The following LINGO2 variants were observed in gnomAD, a reference collection of about 807,000 sequenced individuals.
LINGO2 encodes the protein leucine-rich repeat and immunoglobulin-like domain-containing nogo receptor-interacting protein 2.
In LINGO2, 14 loss-of-function variants were observed where a neutral mutation model predicts 30.6. That is an observed-to-expected ratio of 0.46 (90% CI 0.30 to 0.72). The LOEUF (loss-of-function observed/expected upper bound fraction) is 0.72, where lower values mean the gene tolerates loss of function less well. Ranked by LOEUF, LINGO2 falls within the 30% of genes least tolerant of loss-of-function variation. LINGO2 has a pLI of 0.07. For missense variants in LINGO2, 729 were observed against 751.7 expected (o/e 0.97, Z 0.35); for synonymous variants, 317 against 288.5 (o/e 1.10, Z -1.00).
the LINGO2 span, among the ~76,000 whole-genome samples, chr9:29,181,629 G>A: frequency 2.0e-5 from 3 of 152,078 alleles, no homozygotes; most frequent in Non-Finnish European, 4.4e-5. Context: ...AAAGAGAAGA[G>A]GCAACTGAAG....
chr9:28,713,411 C>T, the LINGO2 span, among the ~76,000 whole-genome samples: 1,837 of 152,200 alleles, frequency 0.012, 36 homozygotes, highest in African/African-American at 0.042. Flanking sequence ...ATTTGCCCTC[C>T]GTTTCCCAGC....
the LINGO2 span, among the ~76,000 whole-genome samples, chr9:29,147,940 A>T: frequency 4.9e-4 from 75 of 152,204 alleles, no homozygotes; most frequent in African/African-American, 1.6e-3. Flanking sequence ...AATCTCCAAC[A>T]AACATTTCTA....
chr9:28,141,976 G>A (rs948439125), intron 4 of LINGO2, among the ~76,000 whole-genome samples: 1 of 152,062 alleles, frequency 6.6e-6, no homozygotes, highest in Non-Finnish European at 1.5e-5. Context: ...AAACATAACG[G>A]GAAAAATGCA....
intron 4 of LINGO2, among the ~76,000 whole-genome samples, chr9:28,110,413 G>C (rs1301587239): frequency 6.6e-6 from 1 of 152,142 alleles, no homozygotes; most frequent in Non-Finnish European, 1.5e-5. Flanking sequence ...TTAAACTAAA[G>C]AGCTTCTGCA....
intron 2 of LINGO2, among the ~76,000 whole-genome samples, chr9:28,432,987 C>A (rs145356998): frequency 1.3e-5 from 2 of 151,700 alleles, no homozygotes; most frequent in Non-Finnish European, 2.9e-5. Flanking sequence ...AGTAAGACAA[C>A]AAGAATATGC....
the LINGO2 span, among the ~76,000 whole-genome samples, chr9:29,086,113 G>T: frequency 3.3e-5 from 5 of 152,112 alleles, no homozygotes; most frequent in Non-Finnish European, 7.4e-5. Context: ...AGGAAAATGT[G>T]TGAGACAAAA....
At chr9:28,662,298 A>C (rs1563900529) in intron 1 of LINGO2, among the ~76,000 whole-genome samples, 1 of 152,182 alleles carries the variant, frequency 6.6e-6, no homozygotes, top group Admixed American at 6.5e-5. Flanking sequence ...TCTGAGGGGA[A>C]AATTTGGAGT....
At chr9:29,014,042 C>T in the LINGO2 span, among the ~76,000 whole-genome samples, 1 of 151,996 alleles carries the variant, frequency 6.6e-6, no homozygotes, top group African/African-American at 2.4e-5. Flanking sequence ...CTCCTTAATC[C>T]CATGTAAATA....
chr9:27,946,043 C>A (rs1200349385), downstream of LINGO2, among the ~76,000 whole-genome samples: 1 of 151,008 alleles, frequency 6.6e-6, no homozygotes, highest in Non-Finnish European at 1.5e-5. Flanking sequence ...GAATACGTCA[C>A]AAGAGTATTA....
At chr9:28,925,946 G>A in the LINGO2 span, among the ~76,000 whole-genome samples, 2 of 152,152 alleles carry the variant, frequency 1.3e-5, no homozygotes, top group Non-Finnish European at 2.9e-5. Context: ...AGTGGGAATG[G>A]GGACCCTAAA....
At chr9:28,698,941 C>T in the LINGO2 span, among the ~76,000 whole-genome samples, 2 of 151,876 alleles carry the variant, frequency 1.3e-5, no homozygotes, top group African/African-American at 4.8e-5. Flanking sequence ...ACTTGGGAGG[C>T]TAAGGTGGGA....
intron 4 of LINGO2, among the ~76,000 whole-genome samples, chr9:28,071,632 A>AG (rs1394053317): frequency 1.3e-5 from 2 of 151,602 alleles, no homozygotes; most frequent in African/African-American, 4.9e-5. Flanking sequence ...AAACACTAGA[A>AG]GGTGGGTATT....
At chr9:28,179,386 G>GTA (rs577325392) in intron 4 of LINGO2, among the ~76,000 whole-genome samples, 2 of 125,058 alleles carry the variant, frequency 1.6e-5, no homozygotes, top group East Asian at 4.6e-4. Flanking sequence ...GCTATATATA[G>GTA]TATATATATA....
chr9:29,147,348 A>G, the LINGO2 span, among the ~76,000 whole-genome samples: 2 of 152,248 alleles, frequency 1.3e-5, no homozygotes, highest in Middle Eastern at 3.4e-3. Context: ...ATGTTAATTC[A>G]TAAAGTATCT....
At chr9:28,436,314 C>T (rs1044311048) in intron 2 of LINGO2, among the ~76,000 whole-genome samples, 10 of 152,066 alleles carry the variant, frequency 6.6e-5, no homozygotes, top group African/African-American at 2.2e-4. Flanking sequence ...ATAGTTTTAA[C>T]TATTGGCACT....
At chr9:28,392,303 G>A (rs985349759) in intron 2 of LINGO2, among the ~76,000 whole-genome samples, 1 of 152,134 alleles carries the variant, frequency 6.6e-6, no homozygotes, top group African/African-American at 2.4e-5. Context: ...ATGCATGAGG[G>A]AAGGAAGGCT....
At chr9:28,716,052 C>T in the LINGO2 span, among the ~76,000 whole-genome samples, 4 of 151,908 alleles carry the variant, frequency 2.6e-5, no homozygotes, top group African/African-American at 9.7e-5. Context: ...ATGCAATACT[C>T]CTGTCCACAT....
chr9:28,546,107 T>G (rs955918285), intron 1 of LINGO2, among the ~76,000 whole-genome samples: 1 of 152,038 alleles, frequency 6.6e-6, no homozygotes, highest in African/African-American at 2.4e-5. Context: ...TGGTACTCTT[T>G]ACCAAGAGTA....
chr9:29,091,948 G>A, the LINGO2 span, among the ~76,000 whole-genome samples: 30 of 151,960 alleles, frequency 2.0e-4, no homozygotes, highest in Admixed American at 1.7e-3. Flanking sequence ...GTACTAAATC[G>A]CAACTGATTA....
Sources: gnomAD v4.1 joint callset for allele counts (sites outside exome capture counted in the v4.1 genomes callset) on GRCh38, gnomAD v4.1.1 for gene constraint, MANE v1.5 for transcripts, NCBI Gene and HGNC (gene_info 2026-07-23, HGNC 2026-07-21) for gene names.